FBXW11: variants seen among roughly 807,000 people sequenced by gnomAD.
FBXW11 encodes the protein F-box/WD repeat-containing protein 11.
Under a neutral mutation model 77.6 loss-of-function variants are expected in FBXW11, and 19 were observed. That is an observed-to-expected ratio of 0.24 (90% CI 0.17 to 0.36). The LOEUF is 0.36. FBXW11 is among the 10% of genes least tolerant of loss of function. FBXW11 has a pLI of 1.00. For missense variants in FBXW11, 334 were observed against 704.2 expected, an observed-to-expected ratio of 0.47 and a Z score of 5.95; for synonymous variants, 235 against 249.4, an observed-to-expected ratio of 0.94 and a Z score of 0.54.
intron 4 of FBXW11, among the ~76,000 whole-genome samples, chr5:171,905,279 A>C (rs924539149): frequency 1.3e-5 from 2 of 152,238 alleles, no homozygotes; most frequent in Non-Finnish European, 2.9e-5. Context: ...TCAGTCTTCC[A>C]TAATATCAGA....
chr5:171,868,857 T>C, intron 12 of FBXW11, 61 bp from the exon 13 acceptor site: 4 of 1,489,966 alleles, frequency 2.7e-6, no homozygotes, highest in Non-Finnish European at 3.6e-6. Flanking sequence ...TATCTCACAA[T>C]GAGAAACTGG....
At chr5:172,000,554 G>C (rs980545240) in intron 1 of FBXW11, among the ~76,000 whole-genome samples, 1 of 152,132 alleles carries the variant, frequency 6.6e-6, no homozygotes, top group African/African-American at 2.4e-5. Flanking sequence ...CTTCTGTAAA[G>C]CCTCACAAAT....
chr5:172,003,711 TGGGGG>T (rs1766556130), intron 1 of FBXW11, among the ~76,000 whole-genome samples: 1 of 152,096 alleles, frequency 6.6e-6, no homozygotes, highest in Non-Finnish European at 1.5e-5. Context: ...GGAGTCAAAG[TGGGGG>T]TTATATTTTA....
chr5:171,951,786 T>C (rs747582316), intron 2 of FBXW11, among the ~76,000 whole-genome samples: 2 of 152,134 alleles, frequency 1.3e-5, no homozygotes, highest in African/African-American at 2.4e-5. Context: ...TTTTAATTTC[T>C]TGAAGCTTGT....
intron 1 of FBXW11, among the ~76,000 whole-genome samples, chr5:171,970,875 C>G (rs1164530486): frequency 6.6e-6 from 1 of 152,202 alleles, no homozygotes; most frequent in African/African-American, 2.4e-5. Flanking sequence ...GTGTGCCTTA[C>G]AGTCCACTGG....
chr5:172,006,271 C>T (rs1766764225), intron 1 of FBXW11, among the ~76,000 whole-genome samples, 187 bp downstream of exon 1: 2 of 152,122 alleles, frequency 1.3e-5, no homozygotes, highest in South Asian at 4.1e-4. Flanking sequence ...GGGCCAGGAC[C>T]GGCCGGAGAT....
At chr5:171,892,299 G>A (rs1759404352) in intron 6 of FBXW11, among the ~76,000 whole-genome samples, 1 of 152,206 alleles carries the variant, frequency 6.6e-6, no homozygotes, top group African/African-American at 2.4e-5. Flanking sequence ...ACTAAACTAA[G>A]TGTATTTGGT....
At chr5:171,967,875 TATATATATACACACAC>T (rs1349316627) in intron 1 of FBXW11, among the ~76,000 whole-genome samples, 816 of 54,300 alleles carry the variant, frequency 0.015, 12 homozygotes, top group African/African-American at 0.042. Flanking sequence ...TATATATATA[TATATATATACACACAC>T]ACACACACAC....
intron 7 of FBXW11, among the ~76,000 whole-genome samples, chr5:171,880,662 C>T (rs1758437558): frequency 6.6e-6 from 1 of 151,990 alleles, no homozygotes; most frequent in Admixed American, 6.6e-5. Flanking sequence ...AGATTTATAC[C>T]TAAGTATTTC....
chr5:171,908,807 AAGTAC>A (rs1243639840), intron 4 of FBXW11: 1 of 152,134 alleles, frequency 6.6e-6, no homozygotes, highest in Non-Finnish European at 1.5e-5. Context: ...TTTGCTGTGG[AAGTAC>A]TTAGAACATG....
intron 7 of FBXW11, among the ~76,000 whole-genome samples, chr5:171,887,652 T>G (rs1011163480): frequency 4.6e-5 from 7 of 151,850 alleles, no homozygotes; most frequent in Non-Finnish European, 7.4e-5. Flanking sequence ...TCTTTGTTGT[T>G]TTCTGTTTTC....
chr5:171,989,077 T>C (rs530878944), intron 1 of FBXW11, among the ~76,000 whole-genome samples: 55 of 152,174 alleles, frequency 3.6e-4, no homozygotes, highest in African/African-American at 1.3e-3. Context: ...CTCAGGAGGC[T>C]GAGGCAGGAG....
chr5:171,942,765 G>A (rs1020733566), intron 2 of FBXW11, among the ~76,000 whole-genome samples: 25 of 152,124 alleles, frequency 1.6e-4, no homozygotes, highest in Non-Finnish European at 2.9e-4. Flanking sequence ...TCACACCACC[G>A]TACTCTGGCC....
chr5:171,948,234 CAAAAA>C (rs765248373), intron 2 of FBXW11, among the ~76,000 whole-genome samples: 1 of 44,334 alleles, frequency 2.3e-5, no homozygotes, highest in Admixed American at 2.3e-4. Flanking sequence ...GACTCCAACT[CAAAAA>C]AAAAAAAAAA....
chr5:171,889,738 A>C (rs1759187905), intron 7 of FBXW11, among the ~76,000 whole-genome samples: 1 of 151,518 alleles, frequency 6.6e-6, no homozygotes, highest in Non-Finnish European at 1.5e-5. Flanking sequence ...AATACAAAAA[A>C]GTAGCTGGGC....
intron 1 of FBXW11, among the ~76,000 whole-genome samples, chr5:171,966,623 T>A (rs778192083): frequency 3.9e-5 from 6 of 152,166 alleles, no homozygotes; most frequent in Non-Finnish European, 5.9e-5. Context: ...TAAATCAGTC[T>A]GAACCCAATC....
intron 12 of FBXW11, 68 bp from the exon 13 acceptor site, chr5:171,868,864 C>G: frequency 6.9e-7 from 1 of 1,454,848 alleles, no homozygotes; most frequent in East Asian, 2.4e-5. Flanking sequence ...CAATGAGAAA[C>G]TGGGCAGAAG....
intron 2 of FBXW11, among the ~76,000 whole-genome samples, chr5:171,941,330 C>G (rs890878171): frequency 6.6e-6 from 1 of 152,074 alleles, no homozygotes; most frequent in Non-Finnish European, 1.5e-5. Flanking sequence ...TATGAAACAG[C>G]TGGTCTGTAA....
intron 1 of FBXW11, among the ~76,000 whole-genome samples, chr5:171,998,796 C>CAAA (rs34476350): frequency 1.2e-4 from 7 of 60,016 alleles, no homozygotes; most frequent in East Asian, 6.9e-4. Context: ...GACTCCGTCT[C>CAAA]AAAAAAAAAA....
Sources: allele counts gnomAD v4.1 joint callset (sites outside exome capture counted in the v4.1 genomes callset), GRCh38; gene constraint gnomAD v4.1.1; transcripts MANE v1.5; gene names NCBI Gene and HGNC (gene_info 2026-07-23, HGNC 2026-07-21).